Variants in IL1RN observed in about 807,000 individuals in gnomAD.
The protein encoded by IL1RN is interleukin-1 receptor antagonist protein.
Under a neutral mutation model 13.7 loss-of-function variants are expected in IL1RN, and 10 were observed. That is an observed-to-expected ratio of 0.73 (90% confidence interval 0.45 to 1.24). IL1RN has a LOEUF of 1.24. IL1RN is among the 50% of genes most tolerant of loss of function. IL1RN has a pLI of 0.00. For synonymous variants in IL1RN, 102 were observed against 82.7 expected (o/e 1.23, Z -1.27); for missense variants, 213 against 222.1 (o/e 0.96, Z 0.26).
At chr2:113,105,431 T>C (rs1254810123), upstream of IL1RN, among the ~76,000 whole-genome samples, 1 of 152,194 alleles carries the variant, frequency 6.6e-6, no homozygotes, top group Non-Finnish European at 1.5e-5. Flanking sequence ...TGTATCAGGG[T>C]AAATTTTAGG....
chr2:113,107,870 T>C (rs1686411671), upstream of IL1RN, among the ~76,000 whole-genome samples: 1 of 152,224 alleles, frequency 6.6e-6, no homozygotes, highest in Non-Finnish European at 1.5e-5. Context: ...GGTGTATTCA[T>C]CACCTCAAGC....
Position 113,133,206 on chromosome 2 carries a change from C to G in IL1RN, c.*335C>G, listed in dbSNP as rs1376282758. 1.2e-5 allele frequency: 5 copies of G among 415,584 alleles called. No individual in the cohort carries two copies. Among genetic ancestry groups the G allele is most frequent in the Non-Finnish European group, 2.3e-5 (5 of 220,064 alleles). The allele number at this position is 415,584 out of a possible 1,614,324, so 25.7% of individuals were successfully genotyped here. A position where few individuals can be genotyped will look rare whatever the true frequency, so the allele number is the denominator to read the frequency against. On this transcript the variant is annotated 3_prime_UTR_variant, in exon 4 of 4. Transcript: ENST00000409930. Reference sequence around the variant, plus strand: ...TGCCACTGCCTCTTCCTCCCTCATTCCACCTTCCCATGCCCTGGATCCATC... The same window carrying G: ...TGCCACTGCCTCTTCCTCCCTCATTGCACCTTCCCATGCCCTGGATCCATC...
chr2:113,115,704 G>A (rs1436275222), upstream of IL1RN: 1 of 152,248 alleles, frequency 6.6e-6, no homozygotes, highest in Non-Finnish European at 1.5e-5. Flanking sequence ...CAGATGCACT[G>A]AGTACCCTAG....
chr2:113,105,177 T>C (rs796587233), upstream of IL1RN, among the ~76,000 whole-genome samples: 7 of 152,218 alleles, frequency 4.6e-5, no homozygotes, highest in African/African-American at 1.4e-4. Flanking sequence ...TAGAAAGGCA[T>C]GAAGATGGTG....
At chr2:113,112,707 G>A (rs996342509) in intron 1 of IL1RN, among the ~76,000 whole-genome samples, 7 of 152,044 alleles carry the variant, frequency 4.6e-5, no homozygotes, top group Non-Finnish European at 1.0e-4. Context: ...TTCCTCTTCC[G>A]TGCTCCCACA....
chr2:113,105,208 G>C (rs1686370102), upstream of IL1RN, among the ~76,000 whole-genome samples: 1 of 152,166 alleles, frequency 6.6e-6, no homozygotes, highest in Admixed American at 6.5e-5. Flanking sequence ...GAAAGAGTGA[G>C]TACTAGACTG....
upstream of IL1RN, chr2:113,113,204 T>C (rs1469286407): frequency 6.6e-6 from 1 of 152,182 alleles, no homozygotes; most frequent in Non-Finnish European, 1.5e-5. Context: ...GATAAAGAAA[T>C]TGTGGTATAT....
At chr2:113,115,931 C>T (rs966843278), upstream of IL1RN, among the ~76,000 whole-genome samples, 7 of 152,238 alleles carry the variant, frequency 4.6e-5, no homozygotes, top group African/African-American at 1.7e-4. Flanking sequence ...AGTTTTCTCT[C>T]TCATGACCAG....
At chr2:113,104,643 G>A (rs1186737092), upstream of IL1RN, among the ~76,000 whole-genome samples, 1 of 152,194 alleles carries the variant, frequency 6.6e-6, no homozygotes, top group African/African-American at 2.4e-5. Flanking sequence ...ATGGTGCTGA[G>A]CAAGTAGTCA....
exon 2 of IL1RN, chr2:113,120,107 G>A: frequency 1.2e-6 from 2 of 1,613,500 alleles, no homozygotes; most frequent in Non-Finnish European, 1.7e-6. Flanking sequence ...AGGAGAAGGT[G>A]AAGACAATGC....
chr2:113,125,472 C>G (rs1251796378), upstream of IL1RN, among the ~76,000 whole-genome samples: 1 of 152,230 alleles, frequency 6.6e-6, no homozygotes, highest in Non-Finnish European at 1.5e-5. Context: ...TACAGACATG[C>G]CATTTTGCCT....
At chr2:113,109,718 CTTAA>C (rs755761539), upstream of IL1RN, among the ~76,000 whole-genome samples, 2 of 149,764 alleles carry the variant, frequency 1.3e-5, no homozygotes, top group Non-Finnish European at 3.0e-5. Flanking sequence ...TGATGAAGCA[CTTAA>C]TTCTCAACAA....
rs1452891873 is a variant in IL1RN, at chr2:113,133,912, C to T, written c.*1041C>T. 1 of 152,730 alleles carries T rather than the reference C, an allele frequency of 6.5e-6. No homozygotes were observed. The highest frequency in any genetic ancestry group is 1.5e-5 in the Non-Finnish European group (1 of 68,088). The allele number at this position is 152,730 out of a possible 1,614,324, so 9.5% of individuals were successfully genotyped here. On this transcript the variant is annotated 3_prime_UTR_variant, in exon 4 of 4. Transcript: ENST00000409930. ...CTGCAGGGCCAAGCACCTAGCCTCG[C>T]TCTTGGCAGGTACTCAGCGAATGAA... is the stretch of plus-strand genomic sequence containing the variant.
At chr2:113,129,970 C>T in intron 2 of IL1RN, 1 of 397,834 alleles carries the variant, frequency 2.5e-6, no homozygotes, top group South Asian at 2.3e-5. Flanking sequence ...TCCTCAAGTG[C>T]CTATTAAGGC....
At chr2:113,114,893 T>C (rs1686564811), upstream of IL1RN, among the ~76,000 whole-genome samples, 1 of 151,910 alleles carries the variant, frequency 6.6e-6, no homozygotes, top group African/African-American at 2.4e-5. Context: ...AACTAGTCAG[T>C]GGAGCAGGGG....
upstream of IL1RN, among the ~76,000 whole-genome samples, chr2:113,108,265 T>G (rs775250466): frequency 2.6e-5 from 4 of 152,076 alleles, no homozygotes; most frequent in Non-Finnish European, 5.9e-5. Flanking sequence ...TAAATTTTTT[T>G]TATTATTATT....
chr2:113,112,572 A>T (rs1447516579), intron 1 of IL1RN, among the ~76,000 whole-genome samples: 1 of 152,000 alleles, frequency 6.6e-6, no homozygotes, highest in East Asian at 1.9e-4. Context: ...GTTACAGTTT[A>T]GTTCTGTGAC....
chr2:113,120,349 T>C (rs1686728238), intron 2 of IL1RN, among the ~76,000 whole-genome samples: 2 of 151,778 alleles, frequency 1.3e-5, no homozygotes, highest in Non-Finnish European at 2.9e-5. Flanking sequence ...TCTATGTATG[T>C]ATGTATGTAT....
intron 1 of IL1RN, among the ~76,000 whole-genome samples, chr2:113,118,729 G>A (rs1444055843): frequency 1.3e-5 from 2 of 152,242 alleles, no homozygotes; most frequent in Admixed American, 1.3e-4. Flanking sequence ...CTAATTTTAA[G>A]TTTCTAATTT....
Sources: allele counts gnomAD v4.1 joint callset (sites outside exome capture counted in the v4.1 genomes callset), GRCh38; gene constraint gnomAD v4.1.1; transcripts MANE v1.5; gene names NCBI Gene and HGNC (gene_info 2026-07-23, HGNC 2026-07-21).